Variants in JAM3 observed in about 807,000 individuals in gnomAD.
The protein encoded by JAM3 is junctional adhesion molecule C.
In JAM3, 31 loss-of-function variants were observed where a neutral mutation model predicts 39.4. That is an observed-to-expected ratio of 0.79 (90% CI 0.59 to 1.06). The LOEUF (loss-of-function observed/expected upper bound fraction) is 1.06, where lower values mean the gene tolerates loss of function less well. Among genes scored for constraint, JAM3 ranks in the 50% least tolerant of loss-of-function variants. The pLI, the probability that JAM3 is intolerant of heterozygous loss-of-function variation, is 0.00. For synonymous variants in JAM3, 182 were observed against 148.7 expected, an observed-to-expected ratio of 1.22 and a Z score of -1.63; for missense variants, 455 against 391.4, an observed-to-expected ratio of 1.16 and a Z score of -1.37.
chr11:134,146,893 C>G (rs562040782), intron 6 of JAM3, among the ~76,000 whole-genome samples: 1 of 151,952 alleles, frequency 6.6e-6, no homozygotes, highest in African/African-American at 2.4e-5. Context: ...TCCTTCCCTC[C>G]TCCCTATTTG....
chr11:134,127,582 C>A (rs1415749616), intron 1 of JAM3, among the ~76,000 whole-genome samples: 1 of 152,146 alleles, frequency 6.6e-6, no homozygotes, highest in Non-Finnish European at 1.5e-5. Flanking sequence ...TGTCTGTAGT[C>A]CCAGCTACTC....
chr11:134,122,654 C>T (rs1942558432), intron 1 of JAM3, among the ~76,000 whole-genome samples: 1 of 152,170 alleles, frequency 6.6e-6, no homozygotes, highest in African/African-American at 2.4e-5. Flanking sequence ...TCAAAAGAAC[C>T]TAGTAATAAC....
chr11:134,090,195 C>G (rs1291476186), intron 1 of JAM3, among the ~76,000 whole-genome samples: 1 of 152,180 alleles, frequency 6.6e-6, no homozygotes, highest in Non-Finnish European at 1.5e-5. Context: ...ATTGTAGATT[C>G]TGGATATTAG....
chr11:134,144,814 TAG>T lies in JAM3; in HGVS notation c.435_436del (p.Arg145SerfsTer19). The T allele has an allele frequency of 6.2e-7, 1 of 1,614,092 alleles. No homozygotes were observed. The highest frequency in any genetic ancestry group is 8.5e-7 in the Non-Finnish European group (1 of 1,179,986). On this transcript the variant is annotated frameshift_variant, in exon 5 of 9. Transcript: ENST00000299106. LOFTEE classifies it high-confidence loss of function. Reference protein sequence around the residue: ...VQVKPVTPVCRVPKAVPVGKM... With the variant: ...VQVKPVTPVCXVPKAVPVGKM... ...CAGTGAAGCCAGTGACCCCTGTCTG[TAG>T]AGTGCCGAAGGCTGTACCAGTAGGC...
At chr11:134,125,550 C>T (rs1942632875) in intron 1 of JAM3, among the ~76,000 whole-genome samples, 1 of 152,154 alleles carries the variant, frequency 6.6e-6, no homozygotes, top group South Asian at 2.1e-4. Flanking sequence ...CTCCCAGCTT[C>T]TGGTTTTTAC....
In JAM3 at chr11:134,151,634, C is replaced by A. The variant is rs1047438345; in HGVS notation, c.*2453C>A. The A allele has an allele frequency of 6.6e-6, 1 of 152,146 alleles. No homozygotes were observed. The highest frequency in any genetic ancestry group is 1.5e-5 in the Non-Finnish European group (1 of 68,046). 9.4% of individuals were successfully genotyped at this position (152,146 alleles called of 1,614,324 possible). ...TGTGACTCAAGACTCGAGGCCGATA[C>A]GAGGCTGTGATTCTGCCTTTGGATG... is the stretch of plus-strand genomic sequence containing the variant. On this transcript the variant is annotated 3_prime_UTR_variant, in exon 9 of 9. Transcript: ENST00000299106.
At chr11:134,130,351 T>A (rs1377650612) in intron 1 of JAM3, among the ~76,000 whole-genome samples, 2 of 152,220 alleles carry the variant, frequency 1.3e-5, no homozygotes, top group East Asian at 3.9e-4. Context: ...CTGTGTCTTT[T>A]TCCCCTACTT....
At position 134,139,844 on chromosome 11, in the gene JAM3, C is replaced by T; in HGVS notation, c.77-7C>T. On this transcript the variant is annotated splice_region_variant and splice_polypyrimidine_tract_variant and intron_variant, in intron 1 of 8. Transcript: ENST00000299106. Reference sequence around the variant, plus strand: ...TGTCTCTGATTTTACTTTTCTTTCTCCTTCAGGCTGCCTGATAGGGGCTGT... The same window carrying T: ...TGTCTCTGATTTTACTTTTCTTTCTTCTTCAGGCTGCCTGATAGGGGCTGT... 1.2e-6 allele frequency: 2 copies of T among 1,612,548 alleles called. No homozygotes were observed. The highest frequency in any genetic ancestry group is 1.7e-6 in the Non-Finnish European group (2 of 1,178,548).
Position 134,149,332 on chromosome 11 carries a change from C to T in JAM3, c.*151C>T. The T allele has an allele frequency of 3.7e-6, 3 of 808,042 alleles. No homozygotes were observed. The highest frequency in any genetic ancestry group is 4.1e-6 in the Non-Finnish European group (2 of 485,734). The allele number at this position is 808,042 out of a possible 1,614,324, so 50.1% of individuals were successfully genotyped here. On this transcript the variant is annotated 3_prime_UTR_variant, in exon 9 of 9. Coordinates refer to ENST00000299106, the MANE Select transcript of JAM3 (RefSeq NM_032801.5). Reference sequence around the variant, plus strand: ...TTGGCCAAAGTTGACCACTACTCTTCTTACTCTAACAAGCCACATGAATAG... The same window carrying T: ...TTGGCCAAAGTTGACCACTACTCTTTTTACTCTAACAAGCCACATGAATAG...
intron 2 of JAM3, 138 bp from the exon 3 acceptor site, chr11:134,140,519 T>C: frequency 1.4e-6 from 1 of 712,344 alleles, no homozygotes; most frequent in Non-Finnish European, 2.5e-6. Context: ...TTTCTCAAAG[T>C]CTCTTGGAGT....
At chr11:134,135,271 T>C (rs1158536111) in intron 1 of JAM3, among the ~76,000 whole-genome samples, 1 of 152,226 alleles carries the variant, frequency 6.6e-6, no homozygotes, top group African/African-American at 2.4e-5. Context: ...TTGGAAAGGT[T>C]GTCCTTTCTC....
chr11:134,091,724 A>AG (rs1288341000), intron 1 of JAM3, among the ~76,000 whole-genome samples: 1 of 151,982 alleles, frequency 6.6e-6, no homozygotes, highest in Non-Finnish European at 1.5e-5. Flanking sequence ...TTTATAGCCG[A>AG]CTAAGTCTGG....
chr11:134,130,119 AT>A, intron 1 of JAM3, among the ~76,000 whole-genome samples: 1 of 152,216 alleles, frequency 6.6e-6, no homozygotes, highest in East Asian at 1.9e-4. Flanking sequence ...TCTGTCCTGG[AT>A]TAAGCTACCT....
Position 134,089,563 on chromosome 11 carries a change from G to GT in JAM3, c.76+20410dup, listed in dbSNP as rs557096070. The stretch of plus-strand genomic sequence containing the variant: ...TATGAGTGAGAACATGTGGTGTTTG[G>GT]TTTTTTGTCCTTGTGATAGTTTGCT... On this transcript the variant is annotated intron_variant, in intron 1 of 8. Transcript: ENST00000299106. 1.5e-3 allele frequency among the ~76,000 whole-genome samples: 232 copies of GT among 152,136 alleles called. 1 individual carries two copies. Among genetic ancestry groups the GT allele is most frequent in the South Asian group, 0.014 (67 of 4,808 alleles).
intron 1 of JAM3, among the ~76,000 whole-genome samples, chr11:134,125,389 C>A (rs1410852131): frequency 6.6e-6 from 1 of 152,222 alleles, no homozygotes; most frequent in Non-Finnish European, 1.5e-5. Flanking sequence ...TCCTTTTAGG[C>A]TTCAAGGTCT....
intron 1 of JAM3, among the ~76,000 whole-genome samples, chr11:134,109,769 T>C (rs1451097819): frequency 6.6e-6 from 1 of 152,214 alleles, no homozygotes; most frequent in Non-Finnish European, 1.5e-5. Context: ...AGGGAAATAG[T>C]CAATTATGTA....
At chr11:134,115,116 CCTTT>C (rs1942399860) in intron 1 of JAM3, among the ~76,000 whole-genome samples, 1 of 152,104 alleles carries the variant, frequency 6.6e-6, no homozygotes, top group Non-Finnish European at 1.5e-5. Flanking sequence ...GAAATGACTT[CCTTT>C]ATCATTATGA....
chr11:134,149,429 G>T lies in JAM3; in HGVS notation c.*248G>T. 1 of 604,488 alleles carries T rather than the reference G, an allele frequency of 1.7e-6. No homozygotes were observed. Among genetic ancestry groups the T allele is most frequent in the Non-Finnish European group, 3.0e-6 (1 of 337,394 alleles). The allele number at this position is 604,488 out of a possible 1,614,324, so 37.4% of individuals were successfully genotyped here. On this transcript the variant is annotated 3_prime_UTR_variant, in exon 9 of 9. Transcript: ENST00000299106. ...CGAAACTGGGTGCGTTCACTGAGTTGGGTTCCTAATCTGTTTCTGGCCTGA... is the reference window on the plus strand; with the variant it reads ...CGAAACTGGGTGCGTTCACTGAGTTTGGTTCCTAATCTGTTTCTGGCCTGA...
chr11:134,136,213 T>G (rs529703751), intron 1 of JAM3, among the ~76,000 whole-genome samples: 1 of 152,358 alleles, frequency 6.6e-6, no homozygotes, highest in Non-Finnish European at 1.5e-5. Flanking sequence ...CAAAAAACCC[T>G]TTCCTCACTC....
Sources: allele counts gnomAD v4.1 joint callset (sites outside exome capture counted in the v4.1 genomes callset), GRCh38; gene constraint gnomAD v4.1.1; transcripts MANE v1.5; gene names NCBI Gene and HGNC (gene_info 2026-07-23, HGNC 2026-07-21).